Variants in KCNMA1 observed in about 807,000 individuals in gnomAD.
The protein encoded by KCNMA1 is potassium calcium-activated channel subfamily M alpha 1.
A neutral mutation model predicts 140.0 loss-of-function variants in KCNMA1; 29 were observed. The ratio of observed to expected loss-of-function variants is 0.21; its 90% CI spans 0.15 to 0.28. The LOEUF is 0.28. Among genes scored for constraint, KCNMA1 ranks in the 10% least tolerant of loss-of-function variants. The pLI, the probability that KCNMA1 is intolerant of heterozygous loss-of-function variation, is 1.00. For synonymous variants in KCNMA1, 612 were observed against 611.9 expected, an observed-to-expected ratio of 1.00 and a Z score of 0.00; for missense variants, 880 against 1,602.2, an observed-to-expected ratio of 0.55 and a Z score of 7.70.
intron 1 of KCNMA1, among the ~76,000 whole-genome samples, chr10:77,609,141 A>C (rs565779063): frequency 4.5e-4 from 69 of 152,382 alleles, no homozygotes; most frequent in African/African-American, 1.6e-3. Flanking sequence ...AGATGTCTGC[A>C]TTCCAATGTT....
chr10:77,298,499 C>G (rs2075783504), intron 2 of KCNMA1, among the ~76,000 whole-genome samples: 1 of 152,166 alleles, frequency 6.6e-6, no homozygotes, highest in Non-Finnish European at 1.5e-5. Context: ...AACTTGGCCT[C>G]CCAAAGTGCT....
chr10:77,494,622 C>T (rs552921755), intron 1 of KCNMA1, among the ~76,000 whole-genome samples: 1 of 152,274 alleles, frequency 6.6e-6, no homozygotes, highest in Non-Finnish European at 1.5e-5. Flanking sequence ...GGAGGTCATA[C>T]GTGTGATTCT....
chr10:77,496,644 G>C (rs1389211125), intron 1 of KCNMA1, among the ~76,000 whole-genome samples: 1 of 147,814 alleles, frequency 6.8e-6, no homozygotes, highest in African/African-American at 2.5e-5. Flanking sequence ...TGAGCGCCCT[G>C]TCAGACCAGT....
At chr10:77,488,363 G>A (rs1190186412) in intron 1 of KCNMA1, among the ~76,000 whole-genome samples, 1 of 152,238 alleles carries the variant, frequency 6.6e-6, no homozygotes, top group East Asian at 1.9e-4. Flanking sequence ...GGGAGGCGGA[G>A]GGAATGGGGC....
intron 2 of KCNMA1, among the ~76,000 whole-genome samples, chr10:77,280,249 G>A (rs935465713): frequency 6.6e-6 from 1 of 152,196 alleles, no homozygotes; most frequent in Non-Finnish European, 1.5e-5. Flanking sequence ...GCTGCTACAA[G>A]GGATGCATTG....
intron 2 of KCNMA1, among the ~76,000 whole-genome samples, chr10:77,381,816 G>A (rs532739567): frequency 6.6e-6 from 1 of 152,250 alleles, no homozygotes; most frequent in Non-Finnish European, 1.5e-5. Flanking sequence ...ACAGCCTCCT[G>A]ATAGGCACTA....
At chr10:77,098,367 C>T (rs1313786725) in intron 9 of KCNMA1, among the ~76,000 whole-genome samples, 1 of 152,044 alleles carries the variant, frequency 6.6e-6, no homozygotes, top group Non-Finnish European at 1.5e-5. Context: ...GTTTTCTGCC[C>T]AAGTGAGGCC....
chr10:77,637,039 C>G, intron 1 of KCNMA1: 1 of 1,405,220 alleles, frequency 7.1e-7, no homozygotes. Context: ...ATTGAGCGTC[C>G]GCGTCCCGGA....
rs2038940022 is a variant in KCNMA1 at position 76,889,473 on chromosome 10, T to A, written c.3439A>T (p.Thr1147Ser). The change falls in exon 27 of 28, where the codon ACC becomes TCC. Residue 1147 changes from threonine (T) to serine (S), a missense_variant. This residue lies in a region of KCNMA1 where 115 missense variants were observed against 139.9 expected (regional missense o/e 0.82). Transcript: ENST00000286628. ...IYRLRDAHLSTPSQCTKRYVI... is the reference protein window; with the variant it reads ...IYRLRDAHLSSPSQCTKRYVI... ...CACCTCTTTGTGCACTGACTGGGGG[T>A]GCTGAGGTGAGCATCTCTCAGCCGG... 1.2e-6 allele frequency: 2 copies of A among 1,612,038 alleles called. No homozygotes were observed. Among genetic ancestry groups the A allele is most frequent in the Non-Finnish European group, 1.7e-6 (2 of 1,178,150 alleles).
chr10:76,947,994 TG>T (rs369589686), intron 22 of KCNMA1, among the ~76,000 whole-genome samples: 118,226 of 145,084 alleles, frequency 0.81, 46,481 homozygotes, highest in East Asian at 0.93. Flanking sequence ...GTTCCTCAGT[TG>T]TTTCTTGTTT....
intron 23 of KCNMA1, among the ~76,000 whole-genome samples, chr10:76,941,019 A>AAAGAAAGAAAGAAAG: frequency 2.9e-5 from 1 of 34,816 alleles, no homozygotes; most frequent in African/African-American, 1.2e-4. Context: ...GGAAGGAAGG[A>AAAGAAAGAAAGAAAG]AGAAAGAAAG....
At chr10:76,912,865 C>A (rs2050934057) in intron 24 of KCNMA1, 1 of 152,150 alleles carries the variant, frequency 6.6e-6, no homozygotes. Context: ...TATTGCCCTC[C>A]AGTTCTGAGG....
intron 2 of KCNMA1, among the ~76,000 whole-genome samples, chr10:77,302,116 A>AG (rs1413296504): frequency 6.6e-6 from 1 of 152,104 alleles, no homozygotes; most frequent in Non-Finnish European, 1.5e-5. Context: ...GATTAGAATC[A>AG]GGCTCGCATA....
intron 2 of KCNMA1, among the ~76,000 whole-genome samples, chr10:77,264,584 G>A (rs537931763): frequency 5.3e-5 from 8 of 152,322 alleles, no homozygotes; most frequent in South Asian, 4.1e-4. Flanking sequence ...CAGAAAATGC[G>A]TGGAGATCTT....
chr10:76,974,334 C>G, intron 19 of KCNMA1: 1 of 518,838 alleles, frequency 1.9e-6, no homozygotes, highest in Non-Finnish European at 3.4e-6. Flanking sequence ...ACGGTTTTCC[C>G]TTTTGGTATT....
chr10:77,553,953 T>C (rs1013499949), intron 1 of KCNMA1, among the ~76,000 whole-genome samples: 6 of 151,764 alleles, frequency 4.0e-5, no homozygotes, highest in Non-Finnish European at 7.4e-5. Flanking sequence ...TCCAGTTTTG[T>C]AGGTCTTGAG....
chr10:77,452,945 A>G (rs2097690387), intron 1 of KCNMA1, among the ~76,000 whole-genome samples: 1 of 152,148 alleles, frequency 6.6e-6, no homozygotes, highest in African/African-American at 2.4e-5. Context: ...TTCAGACCCT[A>G]AATTTGGGAA....
At chr10:77,580,551 G>C (rs1213791306) in intron 1 of KCNMA1, among the ~76,000 whole-genome samples, 2 of 152,196 alleles carry the variant, frequency 1.3e-5, no homozygotes, top group African/African-American at 4.8e-5. Context: ...CCCATGACTT[G>C]GGAAATGCAG....
Position 76,928,316 on chromosome 10 carries a change from T to C in KCNMA1, c.2903-13267A>G, listed in dbSNP as rs61867128. On this transcript the variant is annotated intron_variant, in intron 23 of 27. Transcript: ENST00000286628. ...ACACACACACACACACACACGCACA[T>C]ACACACACATATTTAGACCTAAAGA... is the stretch of plus-strand genomic sequence containing the variant. Among the ~76,000 whole-genome samples, 14 of 137,930 alleles carry C rather than the reference T, an allele frequency of 1.0e-4. No homozygotes were observed. The East Asian group carries it at 1.6e-3, about 16-fold the overall frequency. 90.5% of individuals were successfully genotyped at this position (137,930 alleles called of 152,430 possible).
Sources: gnomAD v4.1 joint callset for allele counts (sites outside exome capture counted in the v4.1 genomes callset) on GRCh38, gnomAD v4.1.1 for gene constraint, gnomAD v4.1.1 regional missense constraint, MANE v1.5 for transcripts, NCBI Gene and HGNC (gene_info 2026-07-23, HGNC 2026-07-21) for gene names.